Variants in TRPM4 observed in about 807,000 individuals in gnomAD.
TRPM4 encodes the protein transient receptor potential cation channel subfamily M member 4.
TRPM4 carries 124 observed loss-of-function variants against 135.6 expected under a neutral mutation model. The ratio of observed to expected loss-of-function variants is 0.91; its 90% CI spans 0.79 to 1.06. The LOEUF (loss-of-function observed/expected upper bound fraction) is 1.06. Ranked by LOEUF, TRPM4 falls within the 50% of genes least tolerant of loss-of-function variation. TRPM4 has a pLI of 0.00. For missense variants in TRPM4, 1,658 were observed against 1,671.4 expected, an observed-to-expected ratio of 0.99 and a Z score of 0.14; for synonymous variants, 745 against 705.6, an observed-to-expected ratio of 1.06 and a Z score of -0.88.
intron 4 of TRPM4, 58 bp from the exon 5 acceptor site, chr19:49,168,202 C>T (rs1441762914): frequency 6.2e-7 from 1 of 1,610,046 alleles, no homozygotes; most frequent in Non-Finnish European, 8.5e-7. Context: ...GTGTGTGTCT[C>T]TGTCTTATTC....
intron 14 of TRPM4, among the ~76,000 whole-genome samples, chr19:49,189,340 A>T (rs541116734): frequency 6.6e-6 from 1 of 152,174 alleles, no homozygotes; most frequent in South Asian, 2.1e-4. Context: ...AGATAGAGAA[A>T]CTCCTTGTGA....
intron 1 of TRPM4, 113 bp from the exon 2 acceptor site, chr19:49,158,079 C>T (rs2041549610): frequency 7.6e-7 from 1 of 1,313,970 alleles, no homozygotes; most frequent in Admixed American, 1.7e-5. Context: ...CGCTGGGGGC[C>T]CGGACTCCTG....
At position 49,179,289 on chromosome 19, in the gene TRPM4, A is replaced by T. The variant is rs10404145; in HGVS notation, c.1151-2060A>T. ...AGGCTGGTCTCGAACTCCTGACCTC[A>T]GGTGATTCGCCCACCTCGGCCTCCC... On this transcript the variant is annotated intron_variant, in intron 9 of 24. Transcript: ENST00000252826. 9.9e-5 allele frequency among the ~76,000 whole-genome samples: 15 copies of T among 151,306 alleles called. No individual in the cohort carries two copies. In the South Asian group the frequency reaches 3.1e-3, roughly 32 times the overall value.
chr19:49,202,991 C>T (rs184438776), intron 20 of TRPM4, among the ~76,000 whole-genome samples: 7 of 149,966 alleles, frequency 4.7e-5, no homozygotes, highest in East Asian at 2.0e-4. Context: ...CCCGGGTTCA[C>T]GCCATTCTCC....
At chr19:49,195,428 T>C (rs145117227) in intron 16 of TRPM4, among the ~76,000 whole-genome samples, 2 of 152,262 alleles carry the variant, frequency 1.3e-5, no homozygotes, top group Non-Finnish European at 2.9e-5. Flanking sequence ...CTGGAGTCAA[T>C]GGCGCGACCT....
chr19:49,182,781 A>G lies in TRPM4; in HGVS notation c.1467A>G (p.Pro489=). Residue 489 remains proline, a synonymous_variant, in exon 11 of 25, where the codon CCA becomes CCG. Coordinates refer to ENST00000252826, the MANE Select transcript of TRPM4 (RefSeq NM_017636.4). ...CCCACAGCGCAGGCACCAAAGCCCCAGCCCTAAAAGGGGGAGCTGCGGAGC... is the reference window on the plus strand; with the variant it reads ...CCCACAGCGCAGGCACCAAAGCCCCGGCCCTAAAAGGGGGAGCTGCGGAGC... The part of the protein sequence containing the change: ...QASHSAGTKA[P]ALKGGAAELR... 6.3e-7 allele frequency: 1 copy of G among 1,577,830 alleles called. No individual in the cohort carries two copies. Among genetic ancestry groups the G allele is most frequent in the Non-Finnish European group, 8.7e-7 (1 of 1,148,818 alleles).
At chr19:49,186,100 T>C (rs1968188294) in intron 12 of TRPM4, among the ~76,000 whole-genome samples, 1 of 152,216 alleles carries the variant, frequency 6.6e-6, no homozygotes, top group South Asian at 2.1e-4. Context: ...ATTCTTTGCA[T>C]GTGTGGCCAT....
chr19:49,207,952 C>G (rs1399879054), intron 20 of TRPM4, among the ~76,000 whole-genome samples: 4 of 151,938 alleles, frequency 2.6e-5, no homozygotes, highest in Admixed American at 6.6e-5. Flanking sequence ...GGATACAAAG[C>G]AAAAGGGGCA....
Position 49,210,225 on chromosome 19 carries a change from G to A in TRPM4, c.3148G>A (p.Val1050Ile). 1 of 1,614,250 alleles carries A rather than the reference G, an allele frequency of 6.2e-7. No individual in the cohort carries two copies. Among genetic ancestry groups the A allele is most frequent in the Non-Finnish European group, 8.5e-7 (1 of 1,180,050 alleles). ...CCTTTGCAGTTACACATTCGGCAAA[G>A]TACAGGGCAACAGCGATCTCTACTG... Reference protein sequence around the residue: ...IAMFSYTFGKVQGNSDLYWKA... With the variant: ...IAMFSYTFGKIQGNSDLYWKA... The change falls in exon 21 of 25, where the codon GTA becomes ATA. Residue 1050 changes from valine (V) to isoleucine (I), a missense_variant. Coordinates refer to ENST00000252826, the MANE Select transcript of TRPM4 (RefSeq NM_017636.4). The surrounding 1 kb of genome is among the most constrained non-coding windows in gnomAD (Gnocchi z 4.1).
chr19:49,168,668 T>G lies in TRPM4; in HGVS notation c.728T>G (p.Leu243Arg). ...GTGGACGACGGCACACACGGCTGCC[T>G]GGGGGGCGAGAACCGCTTCCGCTTG... ...FLVDDGTHGC[L>R]GGENRFRLRL... The change falls in exon 6 of 25, where the codon CTG becomes CGG. Residue 243 changes from leucine (L) to arginine (R), a missense_variant. Leu to Arg is a moderately radical substitution (Grantham distance 102, BLOSUM62 -2). This residue lies in a region of TRPM4 where 1,412 missense variants were observed against 1,408.7 expected (regional missense o/e 1.00). Coordinates refer to ENST00000252826, the MANE Select transcript of TRPM4 (RefSeq NM_017636.4). The G allele has an allele frequency of 6.2e-7, 1 of 1,612,762 alleles. No individual in the cohort carries two copies. Among genetic ancestry groups the G allele is most frequent in the Non-Finnish European group, 8.5e-7 (1 of 1,179,792 alleles).
intron 2 of TRPM4, among the ~76,000 whole-genome samples, chr19:49,162,968 G>T (rs1391045019): frequency 6.6e-6 from 1 of 151,870 alleles, no homozygotes; most frequent in Non-Finnish European, 1.5e-5. Flanking sequence ...CACCATGTTG[G>T]CCAGGCTGGT....
intron 9 of TRPM4, among the ~76,000 whole-genome samples, chr19:49,175,976 T>G (rs1206994632): frequency 2.2e-5 from 3 of 135,038 alleles, no homozygotes; most frequent in Admixed American, 8.4e-5. Flanking sequence ...CAGGCTGGAG[T>G]GCAATGGCGC....
intron 16 of TRPM4, among the ~76,000 whole-genome samples, chr19:49,191,645 G>A (rs923951160): frequency 2.6e-5 from 4 of 151,758 alleles, no homozygotes; most frequent in African/African-American, 2.4e-5. Flanking sequence ...GACTACAGGA[G>A]CCCACCACCA....
At chr19:49,186,350 T>C (rs1047525176) in intron 12 of TRPM4, among the ~76,000 whole-genome samples, 1 of 152,242 alleles carries the variant, frequency 6.6e-6, no homozygotes, top group African/African-American at 2.4e-5. Flanking sequence ...TTCAGCCAGA[T>C]GTAAGAGCTT....
At chr19:49,158,513 G>GTC in intron 2 of TRPM4, 1 of 545,356 alleles carries the variant, frequency 1.8e-6, no homozygotes, top group Non-Finnish European at 3.3e-6. Flanking sequence ...CCTCCCCGAT[G>GTC]TCTCTTCTAT....
intron 19 of TRPM4, among the ~76,000 whole-genome samples, chr19:49,201,000 CTTTT>C (rs771981417): frequency 3.6e-5 from 5 of 140,766 alleles, no homozygotes; most frequent in African/African-American, 1.3e-4. Context: ...TTTCTTTTTT[CTTTT>C]TTTTTTTCTT....
At chr19:49,188,569 TC>T in intron 12 of TRPM4, 71 bp from the exon 13 acceptor site, 1 of 1,609,838 alleles carries the variant, frequency 6.2e-7, no homozygotes, top group Non-Finnish European at 8.5e-7. Flanking sequence ...CTCTGTTCCT[TC>T]CCTTGACTTC....
At position 49,190,704 on chromosome 19, in the gene TRPM4, A is replaced by G; in HGVS notation, c.2141A>G (p.Glu714Gly). 6.2e-7 allele frequency: 1 copy of G among 1,614,088 alleles called. No individual in the cohort carries two copies. Among genetic ancestry groups the G allele is most frequent in the Middle Eastern group, 1.6e-4 (1 of 6,062 alleles). ...YTRLITFRKSEEEPTREELEF... is the reference protein window; with the variant it reads ...YTRLITFRKSGEEPTREELEF... The stretch of plus-strand genomic sequence containing the variant: ...GCTTCCCCCCTTGCTAGGAAATCAG[A>G]AGAGGAGCCCACACGGGAGGAGCTA... Residue 714 changes from glutamate to glycine, a missense_variant, in exon 16 of 25, where the codon GAA (glutamate) becomes GGA (glycine). Around this residue, in one of 3 missense-constraint regions of TRPM4, gnomAD observed 1,412 missense variants for 1,408.7 expected, o/e 1.00. Coordinates refer to ENST00000252826, the MANE Select transcript of TRPM4 (RefSeq NM_017636.4).
Position 49,211,360 on chromosome 19 carries a change from G to A in TRPM4, c.3640+91G>A. ...TCTCGGCACCTTTCCAGTGTCCCTGGGTCACTCTCTTGGTCTCCTTTGAGC... is the reference window on the plus strand; with the variant it reads ...TCTCGGCACCTTTCCAGTGTCCCTGAGTCACTCTCTTGGTCTCCTTTGAGC... On this transcript the variant is annotated intron_variant, in intron 24 of 24. Coordinates refer to ENST00000252826, the MANE Select transcript of TRPM4 (RefSeq NM_017636.4). This position sits in a 1 kb window ranked among gnomAD's most constrained non-coding sequence, Gnocchi z 4.8. The A allele has an allele frequency of 6.4e-7, 1 of 1,574,322 alleles. No homozygotes were observed.
Sources: gnomAD v4.1 joint callset for allele counts (sites outside exome capture counted in the v4.1 genomes callset) on GRCh38, gnomAD v4.1.1 for gene constraint, gnomAD v4.1.1 regional missense constraint, Gnocchi (gnomAD v3.1) non-coding constraint, MANE v1.5 for transcripts, NCBI Gene and HGNC (gene_info 2026-07-23, HGNC 2026-07-21) for gene names.